RSPO2: variants seen among roughly 807,000 people sequenced by gnomAD.
RSPO2 encodes R-spondin-2.
A neutral mutation model predicts 30.9 loss-of-function variants in RSPO2; 14 were observed. That is an observed-to-expected ratio of 0.45 (90% CI 0.30 to 0.71). RSPO2 has a LOEUF of 0.71. Ranked by LOEUF, RSPO2 falls within the 30% of genes least tolerant of loss-of-function variation. The pLI is 0.08. For missense variants in RSPO2, 264 were observed against 301.9 expected (o/e 0.87, Z 0.93); for synonymous variants, 107 against 96.4 (o/e 1.11, Z -0.64).
At chr8:108,055,317 T>A (rs929941230) in intron 2 of RSPO2, among the ~76,000 whole-genome samples, 1 of 151,728 alleles carries the variant, frequency 6.6e-6, no homozygotes, top group Non-Finnish European at 1.5e-5. Flanking sequence ...ACTGAGATAA[T>A]GAAAGGAGAG....
chr8:107,989,524 T>C (rs1487716895), intron 2 of RSPO2: 1 of 338,992 alleles, frequency 2.9e-6, no homozygotes. Flanking sequence ...AGGTAGAACT[T>C]AGGGCAAGGT....
At chr8:107,914,484 A>T (rs1811917455) in intron 5 of RSPO2, among the ~76,000 whole-genome samples, 1 of 151,964 alleles carries the variant, frequency 6.6e-6, no homozygotes, top group Non-Finnish European at 1.5e-5. Context: ...AATACCTTTT[A>T]ACATTTCTAT....
chr8:108,035,957 A>G (rs1811583524), intron 2 of RSPO2, among the ~76,000 whole-genome samples: 1 of 152,170 alleles, frequency 6.6e-6, no homozygotes, highest in East Asian at 1.9e-4. Context: ...ATTTTGGTAA[A>G]TATATTACAA....
At chr8:107,968,810 C>T (rs1299138925) in intron 3 of RSPO2, among the ~76,000 whole-genome samples, 1 of 151,804 alleles carries the variant, frequency 6.6e-6, no homozygotes, top group Admixed American at 6.6e-5. Context: ...TAGGATACTC[C>T]ACATGGAAAA....
intron 3 of RSPO2, among the ~76,000 whole-genome samples, chr8:107,986,514 A>C (rs1235277636): frequency 1.3e-5 from 2 of 152,206 alleles, no homozygotes; most frequent in Non-Finnish European, 2.9e-5. Context: ...GCCTGAGAGT[A>C]TCTAAGGAAG....
intron 5 of RSPO2, among the ~76,000 whole-genome samples, chr8:107,902,450 A>C (rs1426247070): frequency 6.6e-6 from 1 of 152,042 alleles, no homozygotes; most frequent in African/African-American, 2.4e-5. Flanking sequence ...CATAACCCAG[A>C]CCCTTTCATT....
intron 3 of RSPO2, chr8:107,983,646 T>G: frequency 6.3e-7 from 1 of 1,595,304 alleles, no homozygotes; most frequent in South Asian, 1.1e-5. Flanking sequence ...AAATTGCAGA[T>G]TTGAAGAGGC....
rs1425359838 is a variant in RSPO2, at chr8:108,082,693, C to A, written c.-55G>T. 1.3e-6 allele frequency: 2 copies of A among 1,492,768 alleles called. No homozygotes were observed. The highest frequency in any genetic ancestry group is 2.8e-5 in the African/African-American group (2 of 72,416). 92.5% of individuals were successfully genotyped at this position (1,492,768 alleles called of 1,614,324 possible). ...CTCAAAGTCTAGGAACTGGAGGGTT[C>A]GCCCAAAGAGCCGGCGCCGGCCGCG... On this transcript the variant is annotated 5_prime_UTR_variant, in exon 2 of 6. Transcript: ENST00000276659.
chr8:108,040,057 C>T (rs568990730), intron 2 of RSPO2, among the ~76,000 whole-genome samples: 6 of 152,206 alleles, frequency 3.9e-5, no homozygotes, highest in Admixed American at 1.3e-4. Flanking sequence ...GCTTACAAGC[C>T]ACCTAGTCTA....
chr8:108,034,185 G>C (rs1586645454), intron 2 of RSPO2, among the ~76,000 whole-genome samples: 1 of 150,742 alleles, frequency 6.6e-6, no homozygotes, highest in African/African-American at 2.4e-5. Context: ...AATCCCATGA[G>C]GTTCTGGGGG....
At chr8:107,925,379 GTTT>G (rs541040370) in intron 5 of RSPO2, among the ~76,000 whole-genome samples, 1 of 145,218 alleles carries the variant, frequency 6.9e-6, no homozygotes, top group Non-Finnish European at 1.5e-5. Flanking sequence ...AAGGATTTGT[GTTT>G]TTTTTCTTTT....
intron 2 of RSPO2, among the ~76,000 whole-genome samples, chr8:108,002,103 C>T (rs1267784643): frequency 6.6e-6 from 1 of 152,170 alleles, no homozygotes; most frequent in Non-Finnish European, 1.5e-5. Flanking sequence ...CTTGAAACTG[C>T]TGTGTTGTAC....
intron 3 of RSPO2, among the ~76,000 whole-genome samples, chr8:107,962,962 C>A (rs982513483): frequency 6.6e-6 from 1 of 152,160 alleles, no homozygotes; most frequent in South Asian, 2.1e-4. Flanking sequence ...CTTTGCTGAT[C>A]TTTATTGTTA....
intron 2 of RSPO2, among the ~76,000 whole-genome samples, chr8:108,043,354 GAGA>G (rs1439224139): frequency 1.3e-5 from 2 of 152,156 alleles, no homozygotes; most frequent in African/African-American, 4.8e-5. Context: ...ACAACTCAGT[GAGA>G]GGCACTGGTC....
chr8:107,975,718 T>A (rs1206265763), intron 3 of RSPO2, among the ~76,000 whole-genome samples: 1 of 152,216 alleles, frequency 6.6e-6, no homozygotes, highest in Non-Finnish European at 1.5e-5. Context: ...AACTAAACTG[T>A]GGCCCTGGTG....
intron 3 of RSPO2, among the ~76,000 whole-genome samples, chr8:107,985,031 C>A: frequency 6.6e-6 from 1 of 151,904 alleles, no homozygotes; most frequent in East Asian, 1.9e-4. Flanking sequence ...GACAGTTGTG[C>A]AAATAGAAAA....
At chr8:107,960,367 T>G (rs1813586519) in intron 4 of RSPO2, among the ~76,000 whole-genome samples, 1 of 152,034 alleles carries the variant, frequency 6.6e-6, no homozygotes, top group Non-Finnish European at 1.5e-5. Context: ...CTGAACAAAA[T>G]GTTTTTCTCT....
At chr8:107,978,749 A>C (rs1226364184) in intron 3 of RSPO2, among the ~76,000 whole-genome samples, 22 of 152,280 alleles carry the variant, frequency 1.4e-4, no homozygotes, top group South Asian at 1.0e-3. Flanking sequence ...AGGCAACCTA[A>C]AAAATGGGAG....
intron 3 of RSPO2, among the ~76,000 whole-genome samples, chr8:107,971,767 T>C (rs772073642): frequency 2.6e-5 from 4 of 152,236 alleles, no homozygotes; most frequent in African/African-American, 7.2e-5. Context: ...AATGCTTCAA[T>C]GGCTCACCTT....
Sources: gnomAD v4.1 joint callset for allele counts (sites outside exome capture counted in the v4.1 genomes callset) on GRCh38, gnomAD v4.1.1 for gene constraint, MANE v1.5 for transcripts, NCBI Gene and HGNC (gene_info 2026-07-23, HGNC 2026-07-21) for gene names.